The following R3HDM4 variants were observed in gnomAD, a reference collection of about 807,000 sequenced individuals.
R3HDM4 encodes the protein R3H domain-containing protein 4.
R3HDM4 carries 30 observed loss-of-function variants against 31.3 expected under a neutral mutation model. That is an observed-to-expected ratio of 0.96 (90% CI 0.72 to 1.30). The LOEUF (loss-of-function observed/expected upper bound fraction) is 1.30. Among genes scored for constraint, R3HDM4 ranks in the 50% most tolerant of loss-of-function variants. R3HDM4 has a pLI of 0.00. For missense variants in R3HDM4, 444 were observed against 366.1 expected (o/e 1.21, Z -1.74); for synonymous variants, 196 against 156.6 (o/e 1.25, Z -1.88).
At chr19:901,728 C>G (rs1231004962) in intron 2 of R3HDM4, 182 bp from the exon 3 acceptor site, 1 of 908,758 alleles carries the variant, frequency 1.1e-6, no homozygotes, top group African/African-American at 1.7e-5. Context: ...TTGTCGAACT[C>G]CTATATATCC....
intron 2 of R3HDM4, 196 bp downstream of exon 2, chr19:901,767 CGCCCTCCCACCCA>C (rs2036840449): frequency 1.3e-6 from 1 of 750,374 alleles, no homozygotes; most frequent in Non-Finnish European, 2.1e-6. Flanking sequence ...ATGCCCGGGG[CGCCCTCCCACCCA>C]GCCCTGATCC....
intron 1 of R3HDM4, among the ~76,000 whole-genome samples, chr19:903,903 T>C (rs1477389174): frequency 6.6e-6 from 1 of 151,920 alleles, no homozygotes; most frequent in African/African-American, 2.4e-5. Flanking sequence ...ACAAAAAAAT[T>C]AGCCGGGCGT....
At chr19:905,463 C>T (rs936745866) in intron 1 of R3HDM4, among the ~76,000 whole-genome samples, 1 of 149,596 alleles carries the variant, frequency 6.7e-6, no homozygotes. Flanking sequence ...CAAGATCATG[C>T]CGTTGCACTC....
intron 4 of R3HDM4, 67 bp from the exon 5 acceptor site, chr19:900,213 C>G: frequency 1.5e-6 from 2 of 1,323,570 alleles, no homozygotes; most frequent in Non-Finnish European, 2.1e-6. Flanking sequence ...CCTGCCAGAC[C>G]ACGCCCACCC....
intron 1 of R3HDM4, among the ~76,000 whole-genome samples, chr19:903,901 A>G (rs968622506): frequency 6.6e-6 from 1 of 152,118 alleles, no homozygotes; most frequent in African/African-American, 2.4e-5. Flanking sequence ...ATACAAAAAA[A>G]TTAGCCGGGC....
In R3HDM4 at chr19:902,098, C is replaced by A. The variant is rs757161058; in HGVS notation, c.104G>T (p.Ser35Ile). 1 of 1,613,590 alleles carries A rather than the reference C, an allele frequency of 6.2e-7. No homozygotes were observed. Among genetic ancestry groups the A allele is most frequent in the Non-Finnish European group, 8.5e-7 (1 of 1,179,982 alleles). The change falls in exon 2 of 8, where the codon AGC becomes ATC. Residue 35 changes from serine (S) to isoleucine (I), a missense_variant. Transcript: ENST00000361574. ...AGCCGAGAGTCTCTTCACCTGGGAG[C>A]TGGCTAGGGCAGGCAGGCAGCTGGG... ...PLPSCLPALA[S>I]SQVKRLSASR...
At position 899,153 on chromosome 19, in the gene R3HDM4, C is replaced by T. The variant is rs1196168947; in HGVS notation, c.703+287G>A. ...CTCTGGGAGGTCCCTCAAATCCAGG[C>T]TTCATCACCCCCACCCCGGGCCCCG... On this transcript the variant is annotated intron_variant, in intron 7 of 7. Coordinates refer to ENST00000361574, the MANE Select transcript of R3HDM4 (RefSeq NM_138774.4). This position sits in a 1 kb window ranked among gnomAD's most constrained non-coding sequence, Gnocchi z 6.8. 1.3e-5 allele frequency among the ~76,000 whole-genome samples: 2 copies of T among 152,116 alleles called. No homozygotes were observed. Among genetic ancestry groups the T allele is most frequent in the Non-Finnish European group, 2.9e-5 (2 of 67,988 alleles).
chr19:901,951 G>T, intron 2 of R3HDM4, 25 bp downstream of exon 2: 2 of 1,612,106 alleles, frequency 1.2e-6, no homozygotes, highest in Admixed American at 1.7e-5. Context: ...GAGCCCCCAG[G>T]AGGCGCCTCC....
Position 899,387 on chromosome 19 carries a change from C to G in R3HDM4, c.703+53G>C, listed in dbSNP as rs1213716882. On this transcript the variant is annotated intron_variant, in intron 7 of 7. Transcript: ENST00000361574. The surrounding 1 kb of genome is among the most constrained non-coding windows in gnomAD (Gnocchi z 6.8). ...AACCAGGCCCCTGGGACCCTGGCCA[C>G]TTTCCCAGGTTGAGCTGGCCAACTT... 6.3e-7 allele frequency: 1 copy of G among 1,591,042 alleles called. No individual in the cohort carries two copies. Among genetic ancestry groups the G allele is most frequent in the Non-Finnish European group, 8.6e-7 (1 of 1,159,780 alleles).
intron 3 of R3HDM4, 148 bp from the exon 4 acceptor site, chr19:901,100 G>A: frequency 1.9e-6 from 2 of 1,075,452 alleles, no homozygotes; most frequent in South Asian, 1.7e-5. Context: ...CTTGTGTCGG[G>A]CCCTGAGCTG....
At chr19:911,951 G>A (rs2095150882) in intron 1 of R3HDM4, among the ~76,000 whole-genome samples, 1 of 151,296 alleles carries the variant, frequency 6.6e-6, no homozygotes, top group African/African-American at 2.4e-5. Flanking sequence ...CGTGCGGCAG[G>A]GACCAGGCTG....
rs1399469796 is a variant in R3HDM4 at position 896,726 on chromosome 19, G to C, written c.*711C>G. The C allele has an allele frequency of 1.3e-5, 2 of 152,594 alleles. No individual in the cohort carries two copies. Among genetic ancestry groups the C allele is most frequent in the Non-Finnish European group, 2.9e-5 (2 of 68,068 alleles). 9.5% of individuals were successfully genotyped at this position (152,594 alleles called of 1,614,324 possible). A position where few individuals can be genotyped will look rare whatever the true frequency, so the allele number is the denominator to read the frequency against. On this transcript the variant is annotated 3_prime_UTR_variant, in exon 8 of 8. Coordinates refer to ENST00000361574, the MANE Select transcript of R3HDM4 (RefSeq NM_138774.4). The surrounding 1 kb of genome is among the most constrained non-coding windows in gnomAD (Gnocchi z 4.0). Reference sequence around the variant, plus strand: ...GTGCAAGGGCAGAGGCTTCTGGCTGGAAGTCCTGGACCCCCAGCATAAAGG... The same window carrying C: ...GTGCAAGGGCAGAGGCTTCTGGCTGCAAGTCCTGGACCCCCAGCATAAAGG...
Position 901,564 on chromosome 19 carries a change from C to T in R3HDM4, c.227-18G>A, listed in dbSNP as rs776194204. The T allele has an allele frequency of 3.1e-6, 5 of 1,591,660 alleles. No individual in the cohort carries two copies. The African/African-American group carries it at 5.4e-5, about 17-fold the overall frequency. On this transcript the variant is annotated intron_variant, in intron 2 of 7. Transcript: ENST00000361574. ...GTACTGGGCTAGGTGGAAACAGATG[C>T]TCTCTGGGCCGGGGTGGCATTTGGG...
At position 899,181 on chromosome 19, in the gene R3HDM4, G is replaced by A. The variant is rs1027856050; in HGVS notation, c.703+259C>T. Among the ~76,000 whole-genome samples, 1 of 152,102 alleles carries A rather than the reference G, an allele frequency of 6.6e-6. No homozygotes were observed. The highest frequency in any genetic ancestry group is 2.4e-5 in the African/African-American group (1 of 41,408). On this transcript the variant is annotated intron_variant, in intron 7 of 7. Transcript: ENST00000361574. This position sits in a 1 kb window ranked among gnomAD's most constrained non-coding sequence, Gnocchi z 6.8. The stretch of plus-strand genomic sequence containing the variant: ...CATCACCCCCACCCCGGGCCCCGAA[G>A]ATGCAGATGGAGGAGTGTCTGTGTC...
At chr19:904,819 G>T (rs2036882603) in intron 1 of R3HDM4, among the ~76,000 whole-genome samples, 1 of 151,910 alleles carries the variant, frequency 6.6e-6, no homozygotes, top group African/African-American at 2.4e-5. Context: ...AGAAATGAGG[G>T]CAATGCTCTC....
chr19:909,534 G>A (rs1181808655), intron 1 of R3HDM4, among the ~76,000 whole-genome samples: 1 of 152,186 alleles, frequency 6.6e-6, no homozygotes, highest in Non-Finnish European at 1.5e-5. Context: ...GGTGGTTCAC[G>A]CCTGCAATCC....
In R3HDM4 at chr19:899,157, A is replaced by G. The variant is rs1045691666; in HGVS notation, c.703+283T>C. Reference sequence around the variant, plus strand: ...GGGAGGTCCCTCAAATCCAGGCTTCATCACCCCCACCCCGGGCCCCGAAGA... The same window carrying G: ...GGGAGGTCCCTCAAATCCAGGCTTCGTCACCCCCACCCCGGGCCCCGAAGA... On this transcript the variant is annotated intron_variant, in intron 7 of 7. Coordinates refer to ENST00000361574, the MANE Select transcript of R3HDM4 (RefSeq NM_138774.4). This position sits in a 1 kb window ranked among gnomAD's most constrained non-coding sequence, Gnocchi z 6.8. 6.6e-6 allele frequency among the ~76,000 whole-genome samples: 1 copy of G among 152,010 alleles called. No homozygotes were observed. The highest frequency in any genetic ancestry group is 1.5e-5 in the Non-Finnish European group (1 of 67,972).
Position 897,386 on chromosome 19 carries a change from G to C in R3HDM4, c.*51C>G. The stretch of plus-strand genomic sequence containing the variant: ...AAAGATATTTTAGCCGAAGGTATCG[G>C]AGGGCTTGATGGCTGGGCGAGGTGG... On this transcript the variant is annotated 3_prime_UTR_variant, in exon 8 of 8. Coordinates refer to ENST00000361574, the MANE Select transcript of R3HDM4 (RefSeq NM_138774.4). 2 of 1,354,964 alleles carry C rather than the reference G, an allele frequency of 1.5e-6. No homozygotes were observed. Among genetic ancestry groups the C allele is most frequent in the South Asian group, 2.6e-5 (2 of 76,998 alleles). The allele number at this position is 1,354,964 out of a possible 1,614,324, so 83.9% of individuals were successfully genotyped here.
At chr19:897,677 G>GTGTGTGT in intron 7 of R3HDM4, 137 bp from the exon 8 acceptor site, 1 of 675,002 alleles carries the variant, frequency 1.5e-6, no homozygotes, top group Non-Finnish European at 2.5e-6. Context: ...ACTGCGGCCT[G>GTGTGTGT]GCTGGCCCTA....
Sources: gnomAD v4.1 joint callset for allele counts (sites outside exome capture counted in the v4.1 genomes callset) on GRCh38, gnomAD v4.1.1 for gene constraint, Gnocchi (gnomAD v3.1) non-coding constraint, MANE v1.5 for transcripts, NCBI Gene and HGNC (gene_info 2026-07-23, HGNC 2026-07-21) for gene names.